MAP4: variants seen among roughly 807,000 people sequenced by gnomAD.
The protein encoded by MAP4 is microtubule associated protein 4.
Under a neutral mutation model 170.2 loss-of-function variants are expected in MAP4, and 76 were observed. The ratio of observed to expected loss-of-function variants is 0.45; its 90% confidence interval spans 0.37 to 0.54. The LOEUF (loss-of-function observed/expected upper bound fraction) is 0.54, where lower values mean the gene tolerates loss of function less well. Ranked by LOEUF, MAP4 falls within the 20% of genes least tolerant of loss-of-function variation. MAP4 has a pLI of 0.00. For synonymous variants in MAP4, 909 were observed against 994.5 expected, an observed-to-expected ratio of 0.91 and a Z score of 1.62; for missense variants, 2,506 against 2,748.0, an observed-to-expected ratio of 0.91 and a Z score of 1.97.
intron 17 of MAP4, among the ~76,000 whole-genome samples, chr3:47,865,254 A>C (rs2151439288): frequency 6.6e-6 from 1 of 152,218 alleles, no homozygotes; most frequent in South Asian, 2.1e-4. Context: ...ACACAAATAT[A>C]TCTCTATGTC....
intron 1 of MAP4, among the ~76,000 whole-genome samples, chr3:48,086,580 A>G (rs957287995): frequency 6.6e-6 from 1 of 152,218 alleles, no homozygotes; most frequent in Non-Finnish European, 1.5e-5. Flanking sequence ...TAGAGTCTGC[A>G]GTGAGCCGAG....
intron 5 of MAP4, among the ~76,000 whole-genome samples, chr3:47,920,620 T>C (rs1277154572): frequency 6.7e-6 from 1 of 148,964 alleles, no homozygotes; most frequent in South Asian, 2.1e-4. Flanking sequence ...GGCATGATCA[T>C]GGCTCAATGC....
At chr3:47,884,293 T>C (rs1034412156) in intron 10 of MAP4, among the ~76,000 whole-genome samples, 2 of 152,228 alleles carry the variant, frequency 1.3e-5, no homozygotes, top group African/African-American at 4.8e-5. Flanking sequence ...AAGTTTTTAA[T>C]TTTAATTATT....
chr3:47,941,104 C>T (rs2100056013), intron 3 of MAP4, among the ~76,000 whole-genome samples: 2 of 151,208 alleles, frequency 1.3e-5, no homozygotes, highest in African/African-American at 4.9e-5. Context: ...GTCTCAAACT[C>T]CTGATCTCAG....
At chr3:47,908,429 G>A (rs527671190) in intron 9 of MAP4, among the ~76,000 whole-genome samples, 4 of 152,136 alleles carry the variant, frequency 2.6e-5, no homozygotes, top group Admixed American at 1.3e-4. Context: ...GCAACAAACT[G>A]GTCAAAAAAT....
chr3:47,916,396 G>A lies in MAP4; in HGVS notation c.1431C>T (p.Asp477=). The part of the protein sequence containing the change: ...PLEAEVAPVK[D]MAQLPETEIA... ...TTTCTGTTTCTGGGAGTTGAGCCATGTCCTTGACTGGGGCCACCTCTGCTT... is the reference window on the plus strand; with the variant it reads ...TTTCTGTTTCTGGGAGTTGAGCCATATCCTTGACTGGGGCCACCTCTGCTT... Residue 477 remains aspartate, a synonymous_variant, in exon 7 of 21, where the codon GAC becomes GAT. Transcript: ENST00000683076. The A allele has an allele frequency of 1.2e-6, 2 of 1,614,152 alleles. No homozygotes were observed. Among genetic ancestry groups the A allele is most frequent in the Non-Finnish European group, 8.5e-7 (1 of 1,180,022 alleles).
chr3:47,869,192 G>C (rs1412603104), intron 16 of MAP4, 22 bp downstream of exon 16: 1 of 1,548,670 alleles, frequency 6.5e-7, no homozygotes, highest in African/African-American at 1.4e-5. Context: ...ACCTTGCAGA[G>C]GTGGGTCTAA....
intron 3 of MAP4, chr3:47,960,522 G>A (rs868467546): frequency 2.4e-5 from 4 of 166,820 alleles, no homozygotes; most frequent in Middle Eastern, 2.3e-3. Flanking sequence ...CCCATATGTT[G>A]TGTTTTTATT....
At chr3:47,971,441 C>G (rs2100078705) in intron 3 of MAP4, among the ~76,000 whole-genome samples, 1 of 152,202 alleles carries the variant, frequency 6.6e-6, no homozygotes, top group Admixed American at 6.5e-5. Flanking sequence ...ATGAAGCACA[C>G]AGAATACCTT....
At chr3:48,075,592 A>T (rs927825535) in intron 1 of MAP4, among the ~76,000 whole-genome samples, 3 of 152,172 alleles carry the variant, frequency 2.0e-5, no homozygotes, top group African/African-American at 7.2e-5. Context: ...ATGGATGCTA[A>T]GATGATACAC....
At chr3:47,957,056 G>A (rs1174941224) in intron 3 of MAP4, among the ~76,000 whole-genome samples, 1 of 152,218 alleles carries the variant, frequency 6.6e-6, no homozygotes, top group African/African-American at 2.4e-5. Context: ...GAATAGACAT[G>A]TATTCTGGAT....
At chr3:48,061,428 G>C (rs889779140) in intron 1 of MAP4, among the ~76,000 whole-genome samples, 2 of 152,128 alleles carry the variant, frequency 1.3e-5, no homozygotes, top group Non-Finnish European at 2.9e-5. Context: ...TCCTAACTGC[G>C]AGTGATCTGC....
At chr3:48,021,721 C>A (rs2154481330) in intron 1 of MAP4, among the ~76,000 whole-genome samples, 2 of 152,192 alleles carry the variant, frequency 1.3e-5, no homozygotes, top group Middle Eastern at 6.8e-3. Flanking sequence ...AAAAGTTGAT[C>A]CTAAGTTTTA....
chr3:47,959,188 G>A (rs538954154), intron 3 of MAP4, among the ~76,000 whole-genome samples: 4 of 152,230 alleles, frequency 2.6e-5, no homozygotes, highest in South Asian at 2.1e-4. Context: ...GAAGGTGGCC[G>A]GGTGTGGTAA....
In MAP4 at chr3:47,964,195, T is replaced by C. The variant is rs372214650; in HGVS notation, c.292+13670A>G. 3.3e-5 allele frequency among the ~76,000 whole-genome samples: 5 copies of C among 152,318 alleles called. No individual in the cohort carries two copies. In the East Asian group the frequency reaches 7.7e-4, roughly 23 times the overall value. On this transcript the variant is annotated intron_variant, in intron 3 of 20. Transcript: ENST00000683076. ...GGTTCTGTGCAAAAGAACAGCATGA[T>C]CAATGTACAGGACCACTGTAGATGT...
At chr3:48,075,890 G>C (rs1280731049) in intron 1 of MAP4, among the ~76,000 whole-genome samples, 1 of 149,610 alleles carries the variant, frequency 6.7e-6, no homozygotes, top group East Asian at 2.0e-4. Context: ...CAGGAGAATC[G>C]CTTGAACCCG....
intron 10 of MAP4, among the ~76,000 whole-genome samples, chr3:47,899,813 A>T (rs1271586819): frequency 6.6e-6 from 1 of 152,196 alleles, no homozygotes; most frequent in Non-Finnish European, 1.5e-5. Context: ...TGAGCTAAAT[A>T]TTGTGAAGTT....
intron 1 of MAP4, among the ~76,000 whole-genome samples, chr3:48,056,737 A>C: frequency 2.0e-5 from 1 of 48,972 alleles, no homozygotes; most frequent in Non-Finnish European, 3.7e-5. Context: ...GGCCGCCCCT[A>C]CTGGGAAGTG....
At chr3:48,010,893 T>G (rs1047579532) in intron 1 of MAP4, among the ~76,000 whole-genome samples, 6 of 152,204 alleles carry the variant, frequency 3.9e-5, no homozygotes, top group African/African-American at 9.6e-5. Flanking sequence ...TTCTTCATTT[T>G]GGGGACTCGG....
Sources: allele counts gnomAD v4.1 joint callset (sites outside exome capture counted in the v4.1 genomes callset), GRCh38; gene constraint gnomAD v4.1.1; transcripts MANE v1.5; gene names NCBI Gene and HGNC (gene_info 2026-07-23, HGNC 2026-07-21).